SHLD2: variants seen among roughly 807,000 people sequenced by gnomAD.
SHLD2 encodes the protein shieldin complex subunit 2.
In SHLD2, 30 loss-of-function variants were observed where a neutral mutation model predicts 73.2. The ratio of observed to expected loss-of-function variants is 0.41; its 90% CI spans 0.31 to 0.56. The LOEUF is 0.56. SHLD2 is among the 20% of genes least tolerant of loss of function. The pLI is 0.28. For synonymous variants in SHLD2, 285 were observed against 370.1 expected (o/e 0.77, Z 2.64); for missense variants, 745 against 1,055.9 (o/e 0.71, Z 4.08).
intron 4 of SHLD2, 91 bp from the exon 5 acceptor site, chr10:87,170,387 C>T (rs1847510230): frequency 1.1e-6 from 1 of 873,072 alleles, no homozygotes; most frequent in African/African-American, 1.7e-5. Flanking sequence ...TCATACTTTA[C>T]AACATAAAAT....
At chr10:87,130,432 A>T (rs1296926270) in intron 2 of SHLD2, among the ~76,000 whole-genome samples, 1 of 151,356 alleles carries the variant, frequency 6.6e-6, no homozygotes, top group Non-Finnish European at 1.5e-5. Flanking sequence ...CCTCCCCCGC[A>T]CCAATGTGCT....
chr10:87,148,015 A>G (rs996083383), intron 2 of SHLD2, among the ~76,000 whole-genome samples: 4 of 151,796 alleles, frequency 2.6e-5, no homozygotes, highest in Non-Finnish European at 4.4e-5. Flanking sequence ...GTGCCACCAC[A>G]CCTGGCTAAT....
At chr10:87,118,428 T>C (rs1170540630) in intron 2 of SHLD2, among the ~76,000 whole-genome samples, 1 of 151,828 alleles carries the variant, frequency 6.6e-6, no homozygotes, top group Admixed American at 6.6e-5. Context: ...TTGATAATAC[T>C]TAAATGTTAT....
At chr10:87,139,334 T>G (rs892335387) in intron 2 of SHLD2, among the ~76,000 whole-genome samples, 1 of 152,128 alleles carries the variant, frequency 6.6e-6, no homozygotes, top group Non-Finnish European at 1.5e-5. Context: ...TAAACTCTTT[T>G]AAAGAATACA....
intron 3 of SHLD2, 55 bp from the exon 4 acceptor site, chr10:87,157,993 T>G (rs1295548790): frequency 8.7e-5 from 132 of 1,517,902 alleles, no homozygotes; most frequent in Non-Finnish European, 1.2e-4. Flanking sequence ...ACTAGTAGGT[T>G]AACCACATTG....
chr10:87,135,991 G>A (rs1432200857), intron 2 of SHLD2, among the ~76,000 whole-genome samples: 2 of 151,450 alleles, frequency 1.3e-5, no homozygotes, highest in East Asian at 3.9e-4. Flanking sequence ...TACACTTAAG[G>A]CATGGGGAGT....
chr10:87,114,530 G>A (rs1315952680), intron 2 of SHLD2: 4 of 152,162 alleles, frequency 2.6e-5, no homozygotes, highest in African/African-American at 9.7e-5. Flanking sequence ...TTCGAGACCA[G>A]CCTGGCCAAC....
Position 87,113,107 on chromosome 10 carries a change from C to G in SHLD2, c.-6+16118C>G, listed in dbSNP as rs1843032358. Among the ~76,000 whole-genome samples the G allele has an allele frequency of 3.3e-5, 5 of 152,062 alleles. No homozygotes were observed. In the South Asian group the frequency reaches 8.3e-4, roughly 25 times the overall value. ...TTGGGAGGCCGAGGCAGGTGGATCA[C>G]CTGAGGTTGGAAGTAGAAGACCACC... On this transcript the variant is annotated intron_variant, in intron 2 of 9. Coordinates refer to ENST00000298786, the MANE Select transcript of SHLD2 (RefSeq NM_001330112.2).
intron 4 of SHLD2, among the ~76,000 whole-genome samples, chr10:87,168,483 C>T (rs1847358756): frequency 6.6e-6 from 1 of 151,098 alleles, no homozygotes; most frequent in Non-Finnish European, 1.5e-5. Context: ...CCTGTGGCCC[C>T]AGCTATTTGG....
chr10:87,170,871 G>A lies in SHLD2; in HGVS notation c.1860G>A (p.Gln620=), dbSNP rs1282744284. ...TATACAGTTATAGAGGACAGAAGCA[G>A]AAAAAAGTTATGTTAACAGTGGAAC... ...EAVYSYRGQK[Q]KKVMLTVEQA... is the part of the protein sequence containing the mutation. Residue 620 remains glutamine (Q), a synonymous_variant, in exon 6 of 10, where the codon CAG becomes CAA. Transcript: ENST00000298786. 6.2e-7 allele frequency: 1 copy of A among 1,611,276 alleles called. No individual in the cohort carries two copies. Among genetic ancestry groups the A allele is most frequent in the Admixed American group, 1.7e-5 (1 of 59,888 alleles).
At chr10:87,096,461 C>G (rs1250424145) in intron 1 of SHLD2, among the ~76,000 whole-genome samples, 2 of 152,032 alleles carry the variant, frequency 1.3e-5, no homozygotes, top group Non-Finnish European at 2.9e-5. Context: ...GCTTTTCAAA[C>G]TAACGAGGCT....
At chr10:87,151,013 C>T (rs867344950) in intron 2 of SHLD2, among the ~76,000 whole-genome samples, 2 of 151,920 alleles carry the variant, frequency 1.3e-5, no homozygotes, top group African/African-American at 2.4e-5. Flanking sequence ...TTAGTATAGA[C>T]GGCGTTTCAC....
At chr10:87,147,194 C>G (rs1423187737) in intron 2 of SHLD2, among the ~76,000 whole-genome samples, 2 of 151,480 alleles carry the variant, frequency 1.3e-5, no homozygotes, top group Non-Finnish European at 2.9e-5. Context: ...CTACTGTGAT[C>G]CTATCAAATA....
At chr10:87,132,507 G>A (rs1643581858) in intron 2 of SHLD2, among the ~76,000 whole-genome samples, 1 of 152,148 alleles carries the variant, frequency 6.6e-6, no homozygotes, top group Non-Finnish European at 1.5e-5. Context: ...AGGTGCAGTG[G>A]CTCACATCTA....
At chr10:87,145,556 G>T (rs1189743312) in intron 2 of SHLD2, among the ~76,000 whole-genome samples, 1 of 151,762 alleles carries the variant, frequency 6.6e-6, no homozygotes, top group Non-Finnish European at 1.5e-5. Flanking sequence ...AAATAGACAT[G>T]AAAAGGCATT....
chr10:87,123,580 C>T (rs1487990197), intron 2 of SHLD2, among the ~76,000 whole-genome samples: 1 of 152,212 alleles, frequency 6.6e-6, no homozygotes, highest in Admixed American at 6.5e-5. Flanking sequence ...CATTGTTATG[C>T]AACCATCACC....
At chr10:87,115,520 G>A (rs1420668157) in intron 2 of SHLD2, 3 of 77,144 alleles carry the variant, frequency 3.9e-5, no homozygotes, top group Non-Finnish European at 7.2e-5. Flanking sequence ...TGATAAGCAC[G>A]TCCTTTTAAC....
chr10:87,102,863 T>C (rs1453281795), intron 2 of SHLD2, among the ~76,000 whole-genome samples: 2 of 152,096 alleles, frequency 1.3e-5, no homozygotes, highest in Non-Finnish European at 2.9e-5. Flanking sequence ...AAGGACTTTT[T>C]TTATTTTTTA....
At chr10:87,154,432 G>A (rs1487583633) in intron 3 of SHLD2, 3 of 150,870 alleles carry the variant, frequency 2.0e-5, no homozygotes, top group East Asian at 3.9e-4. Context: ...CCAGGCTGGA[G>A]CGCAGTGGCA....
Sources: allele counts gnomAD v4.1 joint callset (sites outside exome capture counted in the v4.1 genomes callset), GRCh38; gene constraint gnomAD v4.1.1; transcripts MANE v1.5; gene names NCBI Gene and HGNC (gene_info 2026-07-23, HGNC 2026-07-21).